Variants in TRABD2B observed in about 807,000 individuals in gnomAD.
TRABD2B encodes TraB domain containing 2B.
A neutral mutation model predicts 40.1 loss-of-function variants in TRABD2B; 14 were observed. The ratio of observed to expected loss-of-function variants is 0.35; its 90% CI spans 0.23 to 0.55. The LOEUF (loss-of-function observed/expected upper bound fraction) is 0.55. TRABD2B is among the 20% of genes least tolerant of loss of function. The pLI, the probability that TRABD2B is intolerant of heterozygous loss-of-function variation, is 0.90. For missense variants in TRABD2B, 541 were observed against 648.6 expected, an observed-to-expected ratio of 0.83 and a Z score of 1.80; for synonymous variants, 263 against 277.0, an observed-to-expected ratio of 0.95 and a Z score of 0.50.
chr1:47,879,579 T>C lies in TRABD2B; in HGVS notation c.667-77960A>G, dbSNP rs921553229. On this transcript the variant is annotated intron_variant, in intron 2 of 6. Transcript: ENST00000606738. The stretch of plus-strand genomic sequence containing the variant: ...AACGCGTATGCGTGTCATTAAGTCA[T>C]GCATGACTCTATACCTGTGGAAAAT... Among the ~76,000 whole-genome samples the C allele has an allele frequency of 2.0e-4, 30 of 152,262 alleles. 1 individual carries two copies. Among genetic ancestry groups the C allele is most frequent in the African/African-American group, 7.0e-4 (29 of 41,472 alleles).
At chr1:47,804,129 G>C (rs1047730220) in intron 2 of TRABD2B, among the ~76,000 whole-genome samples, 2 of 152,232 alleles carry the variant, frequency 1.3e-5, no homozygotes, top group African/African-American at 4.8e-5. Context: ...TGCAGCCCAG[G>C]CTGCTCCACC....
chr1:47,821,517 G>A (rs1432332769), intron 2 of TRABD2B, among the ~76,000 whole-genome samples: 2 of 152,300 alleles, frequency 1.3e-5, no homozygotes, highest in South Asian at 2.1e-4. Flanking sequence ...TCTCCAGGGC[G>A]GGAGTTGCCC....
At chr1:47,918,772 G>A (rs1403779353) in intron 2 of TRABD2B, among the ~76,000 whole-genome samples, 2 of 152,192 alleles carry the variant, frequency 1.3e-5, no homozygotes, top group African/African-American at 2.4e-5. Flanking sequence ...GGGAAAATCA[G>A]CGACCAAGGT....
chr1:47,855,634 G>C (rs1342554962), intron 2 of TRABD2B, among the ~76,000 whole-genome samples: 4 of 152,220 alleles, frequency 2.6e-5, no homozygotes, highest in Non-Finnish European at 5.9e-5. Context: ...CCACTGCTAT[G>C]GATGGAATGC....
rs1557545216 is a variant in TRABD2B at position 47,761,907 on chromosome 1, A to G, written c.*3995T>C. 2 of 151,784 alleles carry G rather than the reference A, an allele frequency of 1.3e-5. No individual in the cohort carries two copies. Among genetic ancestry groups the G allele is most frequent in the Non-Finnish European group, 2.9e-5 (2 of 67,968 alleles). 9.4% of individuals were successfully genotyped at this position (151,784 alleles called of 1,614,324 possible). A position where few individuals can be genotyped will look rare whatever the true frequency, so the allele number is the denominator to read the frequency against. ...TCCTTCCCTTCCTTTCTCTCTCTAC[A>G]CATCTGTTGAGCACCACCTTTGTGT... On this transcript the variant is annotated 3_prime_UTR_variant, in exon 7 of 7. Coordinates refer to ENST00000606738, the MANE Select transcript of TRABD2B (RefSeq NM_001194986.2).
At chr1:47,965,212 GGA>G (rs1255907069) in intron 2 of TRABD2B, among the ~76,000 whole-genome samples, 3 of 78,792 alleles carry the variant, frequency 3.8e-5, no homozygotes, top group Non-Finnish European at 2.5e-5. Flanking sequence ...GGGGGGGGGT[GGA>G]GGGGGGGGTG....
intron 2 of TRABD2B, among the ~76,000 whole-genome samples, chr1:47,912,060 A>G (rs897269403): frequency 2.0e-5 from 3 of 152,150 alleles, no homozygotes; most frequent in Non-Finnish European, 2.9e-5. Context: ...CCCAAGCCCA[A>G]TTCTTTGCAT....
At position 47,989,894 on chromosome 1, in the gene TRABD2B, T is replaced by C. The variant is rs183546287; in HGVS notation, c.666+4140A>G. Among the ~76,000 whole-genome samples the C allele has an allele frequency of 2.5e-3, 376 of 152,312 alleles. 3 individuals carry two copies. Among genetic ancestry groups the C allele is most frequent in the African/African-American group, 8.7e-3 (360 of 41,574 alleles). On this transcript the variant is annotated intron_variant, in intron 2 of 6. Coordinates refer to ENST00000606738, the MANE Select transcript of TRABD2B (RefSeq NM_001194986.2). ...ACCTGAGTTTGAACACTGAGTCTAC[T>C]TGGCCTGTCTGTGTAATCACAGCCA... is the stretch of plus-strand genomic sequence containing the variant.
At chr1:47,835,394 T>G (rs542650003) in intron 2 of TRABD2B, among the ~76,000 whole-genome samples, 1 of 152,116 alleles carries the variant, frequency 6.6e-6, no homozygotes, top group African/African-American at 2.4e-5. Flanking sequence ...ACTGCCAAAA[T>G]TTGATTTAAA....
At chr1:47,896,617 G>A (rs886791412) in intron 2 of TRABD2B, among the ~76,000 whole-genome samples, 3 of 152,206 alleles carry the variant, frequency 2.0e-5, no homozygotes, top group African/African-American at 4.8e-5. Context: ...AATCAGGCAG[G>A]CTTGGGGAAC....
chr1:47,846,859 C>T lies in TRABD2B; in HGVS notation c.667-45240G>A, dbSNP rs11211617. Among the ~76,000 whole-genome samples the T allele has an allele frequency of 5.4e-3, 149 of 27,600 alleles. 1 individual carries two copies. The highest frequency in any genetic ancestry group is 9.8e-3 in the Non-Finnish European group (70 of 7,114). The allele number at this position is 27,600 out of a possible 152,430, so 18.1% of individuals were successfully genotyped here. A position where few individuals can be genotyped will look rare whatever the true frequency, so the allele number is the denominator to read the frequency against. Reference sequence around the variant, plus strand: ...GCCAGGTTAAGTTAAAACATGCATACACACACACACACACACACACACACA... The same window carrying T: ...GCCAGGTTAAGTTAAAACATGCATATACACACACACACACACACACACACA... On this transcript the variant is annotated intron_variant, in intron 2 of 6. Coordinates refer to ENST00000606738, the MANE Select transcript of TRABD2B (RefSeq NM_001194986.2).
At chr1:47,860,804 C>G (rs764645670) in intron 2 of TRABD2B, among the ~76,000 whole-genome samples, 1 of 152,112 alleles carries the variant, frequency 6.6e-6, no homozygotes, top group Non-Finnish European at 1.5e-5. Context: ...GTTCCTCCTC[C>G]CATTTGGTTC....
chr1:47,994,563 C>T lies in TRABD2B; in HGVS notation c.137G>A (p.Arg46Gln), dbSNP rs1480643567. 23 of 1,535,890 alleles carry T rather than the reference C, an allele frequency of 1.5e-5. No homozygotes were observed. The highest frequency in any genetic ancestry group is 1.7e-4 in the Middle Eastern group (1 of 5,954). Reference sequence around the variant, plus strand: ...AAACAGGTAGGCCGGAGGATCACGCCGAATCGTCCACAGGAAGGAGTTCAA... The same window carrying T: ...AAACAGGTAGGCCGGAGGATCACGCTGAATCGTCCACAGGAAGGAGTTCAA... ...RDLNSFLWTI[R>Q]RDPPAYLFGT... Residue 46 changes from arginine (R) to glutamine (Q), a missense_variant, in exon 2 of 7, where the codon CGG becomes CAG. Coordinates refer to ENST00000606738, the MANE Select transcript of TRABD2B (RefSeq NM_001194986.2). The surrounding 1 kb of genome is among the most constrained non-coding windows in gnomAD (Gnocchi z 6.7).
intron 2 of TRABD2B, among the ~76,000 whole-genome samples, chr1:47,901,857 C>G (rs1409162920): frequency 2.0e-5 from 3 of 152,094 alleles, no homozygotes; most frequent in Non-Finnish European, 4.4e-5. Flanking sequence ...GCAGTTGGGG[C>G]TCCTTGAGCA....
chr1:47,894,116 G>A (rs1452623533), intron 2 of TRABD2B, among the ~76,000 whole-genome samples: 1 of 152,120 alleles, frequency 6.6e-6, no homozygotes, highest in Admixed American at 6.6e-5. Context: ...GCACTGTTCT[G>A]TATGCTGGGG....
At chr1:47,931,563 A>T (rs1645040263) in intron 2 of TRABD2B, among the ~76,000 whole-genome samples, 1 of 152,092 alleles carries the variant, frequency 6.6e-6, no homozygotes, top group South Asian at 2.1e-4. Context: ...GCATACATGC[A>T]TGGGTTCCTG....
At chr1:47,852,367 C>T (rs1043784421) in intron 2 of TRABD2B, among the ~76,000 whole-genome samples, 2 of 152,194 alleles carry the variant, frequency 1.3e-5, no homozygotes, top group Admixed American at 6.5e-5. Flanking sequence ...GTAATCTAAC[C>T]GACCATGAAC....
In TRABD2B at chr1:47,917,233, A is replaced by G. The variant is rs1644841978; in HGVS notation, c.666+76801T>C. Among the ~76,000 whole-genome samples, 3 of 152,250 alleles carry G rather than the reference A, an allele frequency of 2.0e-5. No individual in the cohort carries two copies. The South Asian group carries it at 6.2e-4, about 32-fold the overall frequency. ...TCCAGATAGGCCAGGAACCCCGGAA[A>G]CCCTTAGAAAGTGAGTCTGAAATGC... On this transcript the variant is annotated intron_variant, in intron 2 of 6. Transcript: ENST00000606738.
chr1:47,773,446 C>T (rs865889900), intron 6 of TRABD2B, among the ~76,000 whole-genome samples: 5 of 152,256 alleles, frequency 3.3e-5, no homozygotes, highest in Non-Finnish European at 5.9e-5. Flanking sequence ...CATCTTGAAT[C>T]GTAACTCCCA....
Sources: gnomAD v4.1 joint callset for allele counts (sites outside exome capture counted in the v4.1 genomes callset) on GRCh38, gnomAD v4.1.1 for gene constraint, Gnocchi (gnomAD v3.1) non-coding constraint, MANE v1.5 for transcripts, NCBI Gene and HGNC (gene_info 2026-07-23, HGNC 2026-07-21) for gene names.